Variants in MDGA2 observed in about 807,000 individuals in gnomAD.
The protein encoded by MDGA2 is MAM domain containing glycosylphosphatidylinositol anchor 2.
MDGA2 carries 40 observed loss-of-function variants against 117.8 expected under a neutral mutation model. The ratio of observed to expected loss-of-function variants is 0.34; its 90% CI spans 0.26 to 0.44. MDGA2 has a LOEUF of 0.44. Among genes scored for constraint, MDGA2 ranks in the 20% least tolerant of loss-of-function variants. The probability of loss-of-function intolerance (pLI) is 1.00; values close to 1 mark genes in which losing one functional copy is unlikely to be tolerated. For missense variants in MDGA2, 1,123 were observed against 1,250.6 expected (o/e 0.90, Z 1.54); for synonymous variants, 452 against 439.0 (o/e 1.03, Z -0.37).
chr14:47,105,992 T>C (rs1411907406), intron 5 of MDGA2, among the ~76,000 whole-genome samples: 1 of 150,968 alleles, frequency 6.6e-6, no homozygotes, highest in East Asian at 2.0e-4. Flanking sequence ...GCCCTCCCCC[T>C]CCTGCCCAGC....
At chr14:47,179,806 C>T (rs1884626642) in intron 3 of MDGA2, among the ~76,000 whole-genome samples, 1 of 152,066 alleles carries the variant, frequency 6.6e-6, no homozygotes, top group South Asian at 2.1e-4. Flanking sequence ...TAGTTACTCA[C>T]AGATTCATGA....
chr14:47,470,426 C>T (rs917002809), intron 1 of MDGA2, among the ~76,000 whole-genome samples: 2 of 152,086 alleles, frequency 1.3e-5, no homozygotes, highest in African/African-American at 4.8e-5. Context: ...TCATACATGT[C>T]CCTGCAAAGG....
At chr14:47,318,369 A>C (rs150506742) in intron 1 of MDGA2, among the ~76,000 whole-genome samples, 6 of 152,126 alleles carry the variant, frequency 3.9e-5, no homozygotes, top group African/African-American at 1.4e-4. Flanking sequence ...CTTTGCATGC[A>C]TGTTGTTCTC....
chr14:47,434,317 G>A (rs565447458), intron 1 of MDGA2, among the ~76,000 whole-genome samples: 2 of 152,178 alleles, frequency 1.3e-5, no homozygotes, highest in South Asian at 4.1e-4. Flanking sequence ...ACTTATAGGT[G>A]TTTTGTGCTA....
chr14:46,933,632 T>C (rs978307411), intron 9 of MDGA2, among the ~76,000 whole-genome samples: 1 of 151,304 alleles, frequency 6.6e-6, no homozygotes, highest in Non-Finnish European at 1.5e-5. Context: ...TGTTAACATA[T>C]ACAGAATTTG....
intron 1 of MDGA2, among the ~76,000 whole-genome samples, chr14:47,363,535 G>A (rs964494155): frequency 6.6e-6 from 1 of 152,168 alleles, no homozygotes; most frequent in African/African-American, 2.4e-5. Context: ...TGAGATTACA[G>A]GAGTGAGTCA....
intron 4 of MDGA2, among the ~76,000 whole-genome samples, chr14:47,132,120 A>G (rs1882234194): frequency 6.6e-6 from 1 of 151,930 alleles, no homozygotes. Flanking sequence ...TTTCTTTGCA[A>G]ACTAGCTTCC....
chr14:47,423,661 T>C (rs929161872), intron 1 of MDGA2, among the ~76,000 whole-genome samples: 2 of 152,190 alleles, frequency 1.3e-5, no homozygotes, highest in Non-Finnish European at 2.9e-5. Flanking sequence ...TTCTTACTTA[T>C]GTAGCTTTTT....
intron 7 of MDGA2, among the ~76,000 whole-genome samples, chr14:47,049,712 T>TTC (rs1491159455): frequency 6.6e-6 from 1 of 152,030 alleles, no homozygotes; most frequent in African/African-American, 2.4e-5. Context: ...GAGGGCTGAC[T>TTC]GTATTTCCTT....
At chr14:47,010,282 A>T (rs1268384452) in intron 8 of MDGA2, among the ~76,000 whole-genome samples, 6 of 152,084 alleles carry the variant, frequency 3.9e-5, no homozygotes, top group African/African-American at 1.2e-4. Context: ...TGATCCAAAG[A>T]AATCTTAGAG....
chr14:47,562,068 G>A (rs536014310), intron 1 of MDGA2, among the ~76,000 whole-genome samples: 1 of 152,226 alleles, frequency 6.6e-6, no homozygotes, highest in South Asian at 2.1e-4. Context: ...TGCATCCCAC[G>A]GATAAAGTCT....
At chr14:47,012,058 T>G (rs993727342) in intron 8 of MDGA2, among the ~76,000 whole-genome samples, 1 of 152,014 alleles carries the variant, frequency 6.6e-6, no homozygotes. Flanking sequence ...GATGATTTCC[T>G]CAATCTCCAT....
intron 8 of MDGA2, among the ~76,000 whole-genome samples, chr14:46,959,917 T>C (rs1416483929): frequency 1.3e-5 from 2 of 152,098 alleles, no homozygotes; most frequent in Non-Finnish European, 2.9e-5. Context: ...AATCCTCTTT[T>C]TTTAATAAAA....
intron 2 of MDGA2, among the ~76,000 whole-genome samples, chr14:47,265,066 G>A (rs1887920758): frequency 6.6e-6 from 1 of 152,126 alleles, no homozygotes; most frequent in Non-Finnish European, 1.5e-5. Context: ...GCTTCGATTT[G>A]TAGCATTTGC....
In MDGA2 at chr14:47,343,234, T is replaced by C. The variant is rs1028735316; in HGVS notation, c.281-41684A>G. On this transcript the variant is annotated intron_variant, in intron 1 of 16. Coordinates refer to ENST00000399232, the MANE Select transcript of MDGA2 (RefSeq NM_001113498.3). ...GATTTTTTTTGTTTGTTTGTTTTTT[T>C]CAGGAACGATTATCGAATTCCGGGC... 14 of 1,144,094 alleles carry C rather than the reference T, an allele frequency of 1.2e-5. No individual in the cohort carries two copies. The African/African-American group carries it at 2.1e-4, about 17-fold the overall frequency. The allele number at this position is 1,144,094 out of a possible 1,614,324, so 70.9% of individuals were successfully genotyped here.
At chr14:46,992,831 A>G (rs919823060) in intron 8 of MDGA2, among the ~76,000 whole-genome samples, 3 of 152,188 alleles carry the variant, frequency 2.0e-5, no homozygotes, top group South Asian at 2.1e-4. Flanking sequence ...AATAGCATCC[A>G]TGTCTCCCCT....
At chr14:46,851,404 A>G (rs1040826688) in intron 15 of MDGA2, among the ~76,000 whole-genome samples, 2 of 151,880 alleles carry the variant, frequency 1.3e-5, no homozygotes, top group African/African-American at 2.4e-5. Flanking sequence ...ATTTTTCCCA[A>G]TGTAGCAAAA....
At chr14:47,251,472 A>G (rs1283009631) in intron 2 of MDGA2, among the ~76,000 whole-genome samples, 4 of 138,300 alleles carry the variant, frequency 2.9e-5, no homozygotes, top group Non-Finnish European at 6.5e-5. Flanking sequence ...TTTAGTACAT[A>G]ATTTTTTTAA....
intron 1 of MDGA2, among the ~76,000 whole-genome samples, chr14:47,356,514 C>A (rs1279066302): frequency 1.3e-5 from 2 of 152,082 alleles, no homozygotes; most frequent in South Asian, 4.1e-4. Flanking sequence ...ATATGCCATG[C>A]GTATCCCCAG....
Sources: allele counts gnomAD v4.1 joint callset (sites outside exome capture counted in the v4.1 genomes callset), GRCh38; gene constraint gnomAD v4.1.1; transcripts MANE v1.5; gene names NCBI Gene and HGNC (gene_info 2026-07-23, HGNC 2026-07-21).